POU6F2: variants seen among roughly 807,000 people sequenced by gnomAD.
The protein encoded by POU6F2 is POU domain, class 6, transcription factor 2.
POU6F2 carries 31 observed loss-of-function variants against 71.3 expected under a neutral mutation model. The ratio of observed to expected loss-of-function variants is 0.43; its 90% CI spans 0.33 to 0.59. The LOEUF (loss-of-function observed/expected upper bound fraction) is 0.59. Ranked by LOEUF, POU6F2 falls within the 20% of genes least tolerant of loss-of-function variation. The pLI is 0.04. For synonymous variants in POU6F2, 347 were observed against 355.7 expected, an observed-to-expected ratio of 0.98 and a Z score of 0.27; for missense variants, 783 against 856.8, an observed-to-expected ratio of 0.91 and a Z score of 1.07.
intron 1 of POU6F2, among the ~76,000 whole-genome samples, chr7:39,000,046 A>G (rs1788856777): frequency 6.6e-6 from 1 of 152,224 alleles, no homozygotes; most frequent in Non-Finnish European, 1.5e-5. Flanking sequence ...GGAAAAAATT[A>G]CCAGCCCTCA....
At chr7:39,081,711 C>T (rs1791121690) in intron 1 of POU6F2, among the ~76,000 whole-genome samples, 1 of 152,158 alleles carries the variant, frequency 6.6e-6, no homozygotes, top group African/African-American at 2.4e-5. Flanking sequence ...TTTGTTCCTA[C>T]ATTCTGTAGG....
chr7:39,024,607 G>C (rs1789758023), intron 1 of POU6F2, among the ~76,000 whole-genome samples: 1 of 152,108 alleles, frequency 6.6e-6, no homozygotes, highest in Admixed American at 6.6e-5. Context: ...AATGCTTCCA[G>C]TTTTTGCCCA....
rs759585386 is a variant in POU6F2 at position 39,464,177 on chromosome 7, C to T, written c.1659-5C>T. The T allele has an allele frequency of 1.2e-5, 20 of 1,612,664 alleles. No individual in the cohort carries two copies. In the South Asian group the frequency reaches 1.5e-4, roughly 12 times the overall value. On this transcript the variant is annotated splice_region_variant and splice_polypyrimidine_tract_variant and intron_variant, in intron 9 of 9. Transcript: ENST00000518318. This position sits in a 1 kb window ranked among gnomAD's most constrained non-coding sequence, Gnocchi z 4.1. ...AGACTGTTCTTTCTCAATTTTCCCCCCCAGACACACCATCCTGAGAAGCCA... is the reference window on the plus strand; with the variant it reads ...AGACTGTTCTTTCTCAATTTTCCCCTCCAGACACACCATCCTGAGAAGCCA...
At chr7:39,023,717 T>G (rs1434602304) in intron 1 of POU6F2, among the ~76,000 whole-genome samples, 1 of 152,142 alleles carries the variant, frequency 6.6e-6, no homozygotes, top group Admixed American at 6.6e-5. Flanking sequence ...TGTCCTCCTA[T>G]GTCACATTAT....
chr7:39,296,566 G>T (rs955631051), intron 4 of POU6F2, among the ~76,000 whole-genome samples: 2 of 152,066 alleles, frequency 1.3e-5, no homozygotes, highest in Non-Finnish European at 2.9e-5. Context: ...CAGCCTCAAG[G>T]CCTCCTTCCC....
intron 4 of POU6F2, among the ~76,000 whole-genome samples, chr7:39,254,572 C>T (rs946008795): frequency 2.0e-5 from 3 of 152,180 alleles, no homozygotes; most frequent in Non-Finnish European, 4.4e-5. Context: ...TTCCAGCATC[C>T]GCAAGCTCCT....
At chr7:39,062,689 T>G (rs1044703993) in intron 1 of POU6F2, among the ~76,000 whole-genome samples, 1 of 147,682 alleles carries the variant, frequency 6.8e-6, no homozygotes. Context: ...TTAAAAGATA[T>G]ATAATCATTA....
chr7:39,242,968 A>T (rs1783753847), intron 4 of POU6F2, among the ~76,000 whole-genome samples: 1 of 152,106 alleles, frequency 6.6e-6, no homozygotes, highest in Non-Finnish European at 1.5e-5. Flanking sequence ...CATCTGGAGG[A>T]TTGGAACTCT....
intron 2 of POU6F2, among the ~76,000 whole-genome samples, chr7:39,185,074 T>A (rs1793505861): frequency 1.3e-5 from 2 of 152,210 alleles, no homozygotes; most frequent in African/African-American, 4.8e-5. Context: ...ACAGGAGAAT[T>A]GCAGCTTCAT....
At chr7:38,990,022 A>G (rs1177589889) in intron 1 of POU6F2, among the ~76,000 whole-genome samples, 2 of 152,114 alleles carry the variant, frequency 1.3e-5, no homozygotes, top group Admixed American at 1.3e-4. Context: ...TTAACTGATT[A>G]AGATTCTTGC....
intron 1 of POU6F2, among the ~76,000 whole-genome samples, chr7:39,026,056 T>A (rs1383163899): frequency 1.3e-5 from 2 of 152,126 alleles, no homozygotes; most frequent in Non-Finnish European, 2.9e-5. Flanking sequence ...TGAGATACCA[T>A]CTCATGCCAG....
intron 1 of POU6F2, among the ~76,000 whole-genome samples, chr7:39,008,315 T>A (rs979489344): frequency 2.9e-4 from 44 of 152,130 alleles, no homozygotes; most frequent in Middle Eastern, 3.4e-3. Context: ...TTTGGCTGCA[T>A]AAATATCTTC....
intron 1 of POU6F2, among the ~76,000 whole-genome samples, chr7:39,078,223 C>T (rs1229063082): frequency 2.0e-5 from 3 of 152,158 alleles, no homozygotes; most frequent in African/African-American, 7.2e-5. Flanking sequence ...TTAATGAAGT[C>T]ATAGTTCTCT....
At chr7:39,322,018 G>A (rs770194283) in intron 4 of POU6F2, among the ~76,000 whole-genome samples, 5 of 152,048 alleles carry the variant, frequency 3.3e-5, no homozygotes, top group Non-Finnish European at 5.9e-5. Flanking sequence ...CTATCTTGCC[G>A]TAAAACTCAA....
rs570325904 is a variant in POU6F2 at position 39,024,748 on chromosome 7, A to G, written c.105+46690A>G. Among the ~76,000 whole-genome samples, 20 of 152,294 alleles carry G rather than the reference A, an allele frequency of 1.3e-4. No homozygotes were observed. In the East Asian group the frequency reaches 3.9e-3, roughly 29 times the overall value. Reference sequence around the variant, plus strand: ...GAATTTTGTCAAAGGCATTTTCTGCATCTATTGAGATAATCATGTGGTTTT... The same window carrying G: ...GAATTTTGTCAAAGGCATTTTCTGCGTCTATTGAGATAATCATGTGGTTTT... On this transcript the variant is annotated intron_variant, in intron 1 of 9. Transcript: ENST00000518318.
intron 2 of POU6F2, among the ~76,000 whole-genome samples, chr7:39,097,511 TCAAAA>T (rs764528261): frequency 3.9e-5 from 6 of 152,338 alleles, no homozygotes; most frequent in Non-Finnish European, 7.4e-5. Flanking sequence ...TGTGCCACTT[TCAAAA>T]CAAAGGAGAG....
chr7:39,264,338 C>T (rs192351561), intron 4 of POU6F2, among the ~76,000 whole-genome samples: 2 of 152,220 alleles, frequency 1.3e-5, no homozygotes, highest in African/African-American at 2.4e-5. Flanking sequence ...CATTCAAATG[C>T]ACTTGGACGC....
chr7:39,091,445 C>T (rs1791362133), intron 2 of POU6F2, among the ~76,000 whole-genome samples: 1 of 152,072 alleles, frequency 6.6e-6, no homozygotes, highest in African/African-American at 2.4e-5. Context: ...CTTTTTTCTC[C>T]CCTTTTATTT....
At chr7:39,340,257 T>C (rs988210724) in intron 5 of POU6F2, among the ~76,000 whole-genome samples, 1 of 152,226 alleles carries the variant, frequency 6.6e-6, no homozygotes, top group Non-Finnish European at 1.5e-5. Context: ...GTTATCTGTT[T>C]CCTTCTGTGA....
Sources: gnomAD v4.1 joint callset for allele counts (sites outside exome capture counted in the v4.1 genomes callset) on GRCh38, gnomAD v4.1.1 for gene constraint, Gnocchi (gnomAD v3.1) non-coding constraint, MANE v1.5 for transcripts, NCBI Gene and HGNC (gene_info 2026-07-23, HGNC 2026-07-21) for gene names.